Variants in MAN1A2 observed in about 807,000 individuals in gnomAD.
MAN1A2 encodes mannosidase alpha class 1A member 2, also known as mannosyl-oligosaccharide 1,2-alpha-mannosidase IB.
Under a neutral mutation model 75.7 loss-of-function variants are expected in MAN1A2, and 26 were observed. That is an observed-to-expected ratio of 0.34 (90% CI 0.25 to 0.48). The LOEUF is 0.48. Ranked by LOEUF, MAN1A2 falls within the 20% of genes least tolerant of loss-of-function variation. The probability of loss-of-function intolerance (pLI) is 0.99; values close to 1 mark genes in which losing one functional copy is unlikely to be tolerated. For synonymous variants in MAN1A2, 247 were observed against 264.6 expected (o/e 0.93, Z 0.65); for missense variants, 562 against 775.5 (o/e 0.72, Z 3.27).
chr1:117,439,670 T>G lies in MAN1A2; in HGVS notation c.856-2561T>G, dbSNP rs7547042. On this transcript the variant is annotated intron_variant, in intron 5 of 12. Coordinates refer to ENST00000356554, the MANE Select transcript of MAN1A2 (RefSeq NM_006699.5). ...CACCACACCTGGCTAATTTTTTGTG[T>G]TTTTAGTAGAGATGGGGTTTCACCA... is the stretch of plus-strand genomic sequence containing the variant. Among the ~76,000 whole-genome samples the G allele has an allele frequency of 4.5e-3, 679 of 152,208 alleles. 6 individuals are homozygous for G. The highest frequency in any genetic ancestry group is 0.016 in the African/African-American group (647 of 41,550).
chr1:117,458,484 A>AATAT (rs10569118), intron 6 of MAN1A2, among the ~76,000 whole-genome samples: 6,851 of 104,510 alleles, frequency 0.066, 283 homozygotes, highest in South Asian at 0.13. Flanking sequence ...TAAGATGAGA[A>AATAT]ATATATATAT....
intron 1 of MAN1A2, among the ~76,000 whole-genome samples, chr1:117,388,844 G>T (rs1056402423): frequency 6.6e-6 from 1 of 152,116 alleles, no homozygotes; most frequent in Non-Finnish European, 1.5e-5. Context: ...AATGAATAGT[G>T]TACCAAAACC....
chr1:117,415,024 A>AAT (rs146882862), intron 4 of MAN1A2, among the ~76,000 whole-genome samples, 193 bp downstream of exon 4: 4 of 151,688 alleles, frequency 2.6e-5, no homozygotes, highest in South Asian at 2.1e-4. Flanking sequence ...GAATGGAAAA[A>AAT]ATATATATAT....
rs986403082 is a variant in MAN1A2 at position 117,420,564 on chromosome 1, C to A, written c.775-5C>A. ...TTGTGAATGTTTTCAATATGTTTTT[C>A]ACAGAATTCAGAGGTGTCTGTGTTT... On this transcript the variant is annotated splice_region_variant and splice_polypyrimidine_tract_variant and intron_variant, in intron 4 of 12. Coordinates refer to ENST00000356554, the MANE Select transcript of MAN1A2 (RefSeq NM_006699.5). The A allele has an allele frequency of 6.2e-7, 1 of 1,601,794 alleles. No individual in the cohort carries two copies. The highest frequency in any genetic ancestry group is 8.6e-7 in the Non-Finnish European group (1 of 1,169,436).
chr1:117,368,597 A>G (rs1452209375), intron 1 of MAN1A2, 112 bp downstream of exon 1: 7 of 990,028 alleles, frequency 7.1e-6, no homozygotes, highest in Non-Finnish European at 1.0e-5. Context: ...TTCGAGTCAT[A>G]AATATTGTAT....
chr1:117,449,886 G>A (rs535656951), intron 6 of MAN1A2, among the ~76,000 whole-genome samples: 1 of 152,340 alleles, frequency 6.6e-6, no homozygotes, highest in Non-Finnish European at 1.5e-5. Flanking sequence ...AGGTGAGGAA[G>A]CTGCAGGAGA....
chr1:117,501,410 C>G (rs554171078), intron 11 of MAN1A2, among the ~76,000 whole-genome samples: 1 of 151,632 alleles, frequency 6.6e-6, no homozygotes, highest in South Asian at 2.1e-4. Context: ...CTCTTGGGTG[C>G]GAAGAAAGCA....
intron 8 of MAN1A2, among the ~76,000 whole-genome samples, chr1:117,473,930 T>C (rs1553238276): frequency 6.6e-6 from 1 of 151,952 alleles, no homozygotes; most frequent in Non-Finnish European, 1.5e-5. Flanking sequence ...ACAAATATCT[T>C]CTTCAGGAAA....
intron 4 of MAN1A2, 70 bp downstream of exon 4, chr1:117,414,901 C>G: frequency 2.1e-6 from 2 of 938,220 alleles, no homozygotes; most frequent in Non-Finnish European, 3.5e-6. Flanking sequence ...CTGCTATGGT[C>G]TGAACATTTG....
chr1:117,487,563 A>G (rs1650751140), intron 8 of MAN1A2, among the ~76,000 whole-genome samples: 1 of 152,094 alleles, frequency 6.6e-6, no homozygotes, highest in Non-Finnish European at 1.5e-5. Context: ...GTCTAAGAAA[A>G]GACTGGGCAG....
At chr1:117,459,728 T>C (rs939927182) in intron 6 of MAN1A2, among the ~76,000 whole-genome samples, 1 of 152,202 alleles carries the variant, frequency 6.6e-6, no homozygotes, top group African/African-American at 2.4e-5. Flanking sequence ...ATGAAATGTT[T>C]ATGAGATTAT....
intron 1 of MAN1A2, among the ~76,000 whole-genome samples, chr1:117,396,832 C>T (rs1394893147): frequency 6.6e-6 from 1 of 151,656 alleles, no homozygotes. Context: ...AAGGTAAGTA[C>T]AAGGAAGTAC....
At chr1:117,428,091 A>ATCTC (rs35953056) in intron 5 of MAN1A2, among the ~76,000 whole-genome samples, 29 of 146,868 alleles carry the variant, frequency 2.0e-4, no homozygotes, top group Non-Finnish European at 2.5e-4. Flanking sequence ...TAAACTGTAA[A>ATCTC]TCTCTCTCTC....
At chr1:117,392,879 A>T (rs1653771625) in intron 1 of MAN1A2, among the ~76,000 whole-genome samples, 1 of 152,198 alleles carries the variant, frequency 6.6e-6, no homozygotes, top group African/African-American at 2.4e-5. Flanking sequence ...AAGTAATTGG[A>T]TTTGGTATAA....
At chr1:117,442,426 T>C (rs187883422) in intron 6 of MAN1A2, 101 bp downstream of exon 6, 22 of 707,432 alleles carry the variant, frequency 3.1e-5, no homozygotes, top group Admixed American at 2.5e-4. Flanking sequence ...TAAAGACATA[T>C]TGTTTTTCTC....
At chr1:117,376,392 A>G (rs10923275) in intron 1 of MAN1A2, among the ~76,000 whole-genome samples, 18,869 of 152,308 alleles carry the variant, frequency 0.12, 1,228 homozygotes, top group Non-Finnish European at 0.14. Context: ...GTGATCACCC[A>G]TGTGAGTGTG....
At chr1:117,456,871 A>C (rs1649598044) in intron 6 of MAN1A2, among the ~76,000 whole-genome samples, 1 of 152,050 alleles carries the variant, frequency 6.6e-6, no homozygotes, top group Non-Finnish European at 1.5e-5. Context: ...AATATAAATA[A>C]ATCTAATTGA....
intron 1 of MAN1A2, among the ~76,000 whole-genome samples, chr1:117,396,298 A>G (rs1481412269): frequency 6.6e-6 from 1 of 152,218 alleles, no homozygotes; most frequent in African/African-American, 2.4e-5. Context: ...GCACACTTCT[A>G]TCAACTATGA....
chr1:117,495,922 A>G (rs1202687459), intron 9 of MAN1A2, among the ~76,000 whole-genome samples: 5 of 151,974 alleles, frequency 3.3e-5, no homozygotes, highest in African/African-American at 1.2e-4. Flanking sequence ...ATCTAAGAGC[A>G]CCATTCATTT....
Sources: allele counts gnomAD v4.1 joint callset (sites outside exome capture counted in the v4.1 genomes callset), GRCh38; gene constraint gnomAD v4.1.1; transcripts MANE v1.5; gene names NCBI Gene and HGNC (gene_info 2026-07-23, HGNC 2026-07-21).